SLMAP: variants seen among roughly 807,000 people sequenced by gnomAD.
SLMAP encodes the protein sarcolemmal membrane-associated protein.
In SLMAP, 44 loss-of-function variants were observed where a neutral mutation model predicts 128.8. The observed-to-expected ratio is 0.34, with a 90% CI of 0.27 to 0.44. The LOEUF (loss-of-function observed/expected upper bound fraction) is 0.44. Ranked by LOEUF, SLMAP falls within the 20% of genes least tolerant of loss-of-function variation. The probability of loss-of-function intolerance (pLI) is 1.00; values close to 1 mark genes in which losing one functional copy is unlikely to be tolerated. For synonymous variants in SLMAP, 327 were observed against 348.8 expected (o/e 0.94, Z 0.70); for missense variants, 787 against 985.3 (o/e 0.80, Z 2.69).
At chr3:57,915,577 G>T (rs2096793212) in intron 21 of SLMAP, among the ~76,000 whole-genome samples, 1 of 152,176 alleles carries the variant, frequency 6.6e-6, no homozygotes, top group African/African-American at 2.4e-5. Context: ...AATCTGTGAA[G>T]TGTACAATCA....
intron 6 of SLMAP, among the ~76,000 whole-genome samples, chr3:57,855,711 TAA>T (rs562768502): frequency 9.0e-6 from 1 of 110,852 alleles, no homozygotes. Context: ...CCCCATCTGT[TAA>T]AAAAAAAAAA....
At chr3:57,822,820 C>T (rs762037093) in intron 2 of SLMAP, among the ~76,000 whole-genome samples, 1 of 152,232 alleles carries the variant, frequency 6.6e-6, no homozygotes, top group Non-Finnish European at 1.5e-5. Context: ...AGCACATTCC[C>T]TCAAACTCCT....
At chr3:57,885,647 G>A (rs1205497584) in intron 14 of SLMAP, among the ~76,000 whole-genome samples, 1 of 150,988 alleles carries the variant, frequency 6.6e-6, no homozygotes, top group East Asian at 1.9e-4. Flanking sequence ...TCAAACTCCC[G>A]ACCTCAGGTG....
intron 3 of SLMAP, among the ~76,000 whole-genome samples, chr3:57,839,962 A>G (rs562800520): frequency 2.8e-4 from 42 of 152,306 alleles, no homozygotes; most frequent in African/African-American, 9.6e-4. Context: ...TGCTGGGATT[A>G]CAGGCGTAAG....
At chr3:57,860,279 C>T (rs1016654992) in intron 8 of SLMAP, among the ~76,000 whole-genome samples, 1 of 152,192 alleles carries the variant, frequency 6.6e-6, no homozygotes, top group East Asian at 1.9e-4. Context: ...ACTTTTCCTG[C>T]CCCAGACATG....
intron 2 of SLMAP, among the ~76,000 whole-genome samples, chr3:57,803,395 G>T (rs1270330747): frequency 6.6e-6 from 1 of 152,054 alleles, no homozygotes; most frequent in African/African-American, 2.4e-5. Context: ...TACATTTGTT[G>T]GTTATACTAA....
At position 57,927,287 on chromosome 3, in the gene SLMAP, T is replaced by C; in HGVS notation, c.*7-9T>C. The C allele has an allele frequency of 1.3e-6, 2 of 1,596,268 alleles. No individual in the cohort carries two copies. Among genetic ancestry groups the C allele is most frequent in the Non-Finnish European group, 1.7e-6 (2 of 1,167,032 alleles). ...ATGTGATATTGACTCTTGGTTTCTT[T>C]CCACACAGAAACCCTGGCCCTGGAT... On this transcript the variant is annotated splice_polypyrimidine_tract_variant and intron_variant, in intron 24 of 24. Coordinates refer to ENST00000671191, the MANE Select transcript of SLMAP (RefSeq NM_001377540.1).
chr3:57,813,913 C>G (rs766744964), intron 2 of SLMAP, among the ~76,000 whole-genome samples: 1 of 151,284 alleles, frequency 6.6e-6, no homozygotes, highest in Non-Finnish European at 1.5e-5. Context: ...AGCTTTTAGG[C>G]TTGAGAGTTT....
At chr3:57,892,191 A>G (rs1008246219) in intron 15 of SLMAP, among the ~76,000 whole-genome samples, 6 of 152,186 alleles carry the variant, frequency 3.9e-5, no homozygotes, top group Non-Finnish European at 8.8e-5. Context: ...AAATCGAGCT[A>G]TAAAGTGTTT....
intron 14 of SLMAP, among the ~76,000 whole-genome samples, chr3:57,883,630 G>A (rs1294153550): frequency 6.6e-6 from 1 of 152,078 alleles, no homozygotes; most frequent in Non-Finnish European, 1.5e-5. Context: ...ATTATAAAAA[G>A]CATAAGTCAC....
intron 6 of SLMAP, among the ~76,000 whole-genome samples, chr3:57,853,965 A>G (rs1215755545): frequency 1.3e-5 from 1 of 78,324 alleles, no homozygotes; most frequent in African/African-American, 5.5e-5. Context: ...TTATATATAT[A>G]TATATATATA....
At chr3:57,806,267 C>T (rs1456868930) in intron 2 of SLMAP, among the ~76,000 whole-genome samples, 1 of 151,926 alleles carries the variant, frequency 6.6e-6, no homozygotes, top group Non-Finnish European at 1.5e-5. Flanking sequence ...TCCATGTGTT[C>T]TCATTGTTCA....
At chr3:57,829,955 TC>T (rs1426369925) in intron 2 of SLMAP, among the ~76,000 whole-genome samples, 2 of 152,216 alleles carry the variant, frequency 1.3e-5, no homozygotes, top group Non-Finnish European at 2.9e-5. Flanking sequence ...GTTCCCCAGT[TC>T]TGTGACTTTT....
rs957921796 is a variant in SLMAP, at chr3:57,830,066, G to A, written c.199-1317G>A. On this transcript the variant is annotated intron_variant, in intron 2 of 24. Coordinates refer to ENST00000671191, the MANE Select transcript of SLMAP (RefSeq NM_001377540.1). Reference sequence around the variant, plus strand: ...TTGTTTGTTTTTGAGATGGAGTCTCGCTCTGTTGTCCAGGCTGGAGTGCAG... The same window carrying A: ...TTGTTTGTTTTTGAGATGGAGTCTCACTCTGTTGTCCAGGCTGGAGTGCAG... Among the ~76,000 whole-genome samples the A allele has an allele frequency of 2.6e-5, 4 of 151,992 alleles. No individual in the cohort carries two copies. The East Asian group carries it at 5.8e-4, about 22-fold the overall frequency.
At chr3:57,759,279 C>CTTT (rs530906553) in intron 2 of SLMAP, among the ~76,000 whole-genome samples, 1 of 142,080 alleles carries the variant, frequency 7.0e-6, no homozygotes, top group Non-Finnish European at 1.5e-5. Context: ...ACTCGTAATC[C>CTTT]TTTTTTTTTT....
Position 57,849,770 on chromosome 3 carries a change from C to A in SLMAP, c.473C>A (p.Pro158Gln). ...SPVDKVAANT[P>Q]SMYSQELFQL... The stretch of plus-strand genomic sequence containing the variant: ...TGTTTCTAGGTTGCTGCTAACACTC[C>A]AAGTATGTACTCTCAGGAACTATTC... Residue 158 changes from proline to glutamine, a missense_variant, in exon 6 of 25, where the codon CCA becomes CAA. Transcript: ENST00000671191. 1 of 1,572,686 alleles carries A rather than the reference C, an allele frequency of 6.4e-7. No individual in the cohort carries two copies. The highest frequency in any genetic ancestry group is 8.8e-7 in the Non-Finnish European group (1 of 1,142,376).
intron 17 of SLMAP, among the ~76,000 whole-genome samples, chr3:57,906,329 T>G: frequency 7.4e-6 from 1 of 135,444 alleles, no homozygotes; most frequent in African/African-American, 2.7e-5. Flanking sequence ...TTTTTTTTTT[T>G]TTTAGAGACA....
In SLMAP at chr3:57,868,753, C is replaced by G. The variant is rs74590786; in HGVS notation, c.1238-2883C>G. On this transcript the variant is annotated intron_variant, in intron 13 of 24. Coordinates refer to ENST00000671191, the MANE Select transcript of SLMAP (RefSeq NM_001377540.1). ...TAATTTAAAAAAATTCTGGCAGCCACATTGTATTAGTCAGGGTTCTCTAGA... is the reference window on the plus strand; with the variant it reads ...TAATTTAAAAAAATTCTGGCAGCCAGATTGTATTAGTCAGGGTTCTCTAGA... Among the ~76,000 whole-genome samples the G allele has an allele frequency of 2.0e-4, 29 of 144,280 alleles. 1 individual carries two copies. The East Asian group carries it at 5.7e-3, about 29-fold the overall frequency. The allele number at this position is 144,280 out of a possible 152,430, so 94.7% of individuals were successfully genotyped here.
intron 21 of SLMAP, among the ~76,000 whole-genome samples, chr3:57,914,216 T>C (rs1388914536): frequency 6.6e-6 from 1 of 151,942 alleles, no homozygotes; most frequent in African/African-American, 2.4e-5. Context: ...TCCGGCCGGG[T>C]GTGGACATTA....
Sources: allele counts gnomAD v4.1 joint callset (sites outside exome capture counted in the v4.1 genomes callset), GRCh38; gene constraint gnomAD v4.1.1; transcripts MANE v1.5; gene names NCBI Gene and HGNC (gene_info 2026-07-23, HGNC 2026-07-21).